Variants in ATP8A2 observed in about 807,000 individuals in gnomAD.
ATP8A2 encodes ATPase phospholipid transporting 8A2, also known as phospholipid-transporting ATPase IB.
ATP8A2 carries 100 observed loss-of-function variants against 165.6 expected under a neutral mutation model. The observed-to-expected ratio is 0.60, with a 90% CI of 0.51 to 0.71. ATP8A2 has a LOEUF of 0.71. ATP8A2 is among the 30% of genes least tolerant of loss of function. ATP8A2 has a pLI of 0.00. For missense variants in ATP8A2, 1,227 were observed against 1,479.5 expected (o/e 0.83, Z 2.80); for synonymous variants, 543 against 548.8 (o/e 0.99, Z 0.15).
intron 35 of ATP8A2, among the ~76,000 whole-genome samples, chr13:26,006,452 C>G (rs1956739817): frequency 6.6e-6 from 1 of 151,966 alleles, no homozygotes; most frequent in Non-Finnish European, 1.5e-5. Flanking sequence ...ATGTCATGTA[C>G]AAATAGAGAT....
chr13:25,512,435 C>T (rs2037262653), intron 2 of ATP8A2, among the ~76,000 whole-genome samples: 1 of 152,034 alleles, frequency 6.6e-6, no homozygotes, highest in South Asian at 2.1e-4. Flanking sequence ...CAGAGGGGCT[C>T]CTCACTTCCC....
At chr13:25,480,848 C>T (rs9507525) in intron 2 of ATP8A2, among the ~76,000 whole-genome samples, 45,972 of 150,372 alleles carry the variant, frequency 0.31, 8,616 homozygotes, top group East Asian at 0.88. Context: ...CACGCCACTG[C>T]ACTCCAGCCT....
At chr13:25,425,864 C>T (rs1419985668) in intron 1 of ATP8A2, among the ~76,000 whole-genome samples, 2 of 152,208 alleles carry the variant, frequency 1.3e-5, no homozygotes, top group Non-Finnish European at 2.9e-5. Context: ...GCGTGAGCCA[C>T]TGCGCCCGGC....
intron 1 of ATP8A2, among the ~76,000 whole-genome samples, chr13:25,440,975 A>G (rs1320585905): frequency 2.6e-5 from 4 of 152,206 alleles, no homozygotes; most frequent in Non-Finnish European, 5.9e-5. Context: ...AAATCCAGCA[A>G]TTGTATGTGA....
intron 25 of ATP8A2, among the ~76,000 whole-genome samples, chr13:25,709,557 TA>T (rs1359730949): frequency 1.3e-5 from 2 of 152,230 alleles, no homozygotes; most frequent in Non-Finnish European, 2.9e-5. Context: ...TAGTAGGGAA[TA>T]TATGTTTCTA....
intron 1 of ATP8A2, among the ~76,000 whole-genome samples, chr13:25,386,197 T>TGA (rs910326474): frequency 4.0e-5 from 6 of 151,744 alleles, no homozygotes; most frequent in African/African-American, 1.5e-4. Flanking sequence ...ATTACAGGTG[T>TGA]GAGCCACCTC....
chr13:25,894,021 G>A (rs1364676775), intron 33 of ATP8A2, among the ~76,000 whole-genome samples: 2 of 152,198 alleles, frequency 1.3e-5, no homozygotes, highest in Admixed American at 1.3e-4. Context: ...TTGCTGTGCA[G>A]AAGCTCTTTA....
chr13:25,688,889 C>CAA (rs879628588), intron 24 of ATP8A2, among the ~76,000 whole-genome samples: 19,109 of 152,230 alleles, frequency 0.13, 1,337 homozygotes, highest in Admixed American at 0.2. Flanking sequence ...CTATGATCTT[C>CAA]ACTGCCAGTT....
chr13:25,597,631 G>A (rs1039843948), intron 24 of ATP8A2, among the ~76,000 whole-genome samples: 1 of 152,110 alleles, frequency 6.6e-6, no homozygotes, highest in Non-Finnish European at 1.5e-5. Flanking sequence ...CTGGAAACAG[G>A]TACTTCTCCA....
intron 33 of ATP8A2, among the ~76,000 whole-genome samples, chr13:25,876,013 G>A (rs532192523): frequency 2.2e-4 from 33 of 152,224 alleles, no homozygotes; most frequent in Non-Finnish European, 4.1e-4. Context: ...TCATTATGAT[G>A]TTCAAGGGAC....
chr13:25,790,216 T>C (rs1235601626), intron 27 of ATP8A2, among the ~76,000 whole-genome samples: 1 of 151,984 alleles, frequency 6.6e-6, no homozygotes, highest in East Asian at 1.9e-4. Flanking sequence ...AAAGCAAAAA[T>C]TGACAAATGG....
intron 25 of ATP8A2, chr13:25,705,281 T>C (rs2043033600): frequency 3.3e-6 from 1 of 305,334 alleles, no homozygotes; most frequent in Non-Finnish European, 6.4e-6. Context: ...AGGAAAAGAG[T>C]CATGAAAGAA....
At chr13:25,948,232 C>T (rs1955262737) in intron 33 of ATP8A2, among the ~76,000 whole-genome samples, 1 of 151,954 alleles carries the variant, frequency 6.6e-6, no homozygotes, top group African/African-American at 2.4e-5. Context: ...CCCTGGGACC[C>T]AGTTCCCCCT....
chr13:25,584,980 T>C (rs2039880834), intron 23 of ATP8A2, among the ~76,000 whole-genome samples: 1 of 152,198 alleles, frequency 6.6e-6, no homozygotes, highest in Admixed American at 6.5e-5. Flanking sequence ...AGTTTGGTTT[T>C]TTAAAATATA....
At chr13:25,997,313 A>G (rs1956532148) in intron 35 of ATP8A2, among the ~76,000 whole-genome samples, 1 of 152,210 alleles carries the variant, frequency 6.6e-6, no homozygotes, top group Non-Finnish European at 1.5e-5. Flanking sequence ...TGAGAAATCC[A>G]CTGTCAACCT....
intron 25 of ATP8A2, among the ~76,000 whole-genome samples, chr13:25,704,706 A>T (rs767744837): frequency 4.6e-5 from 7 of 152,194 alleles, no homozygotes; most frequent in South Asian, 2.1e-4. Flanking sequence ...ATATAAGCAC[A>T]TTATTAAATT....
chr13:25,673,468 C>T (rs1424926601), intron 24 of ATP8A2, among the ~76,000 whole-genome samples: 1 of 152,142 alleles, frequency 6.6e-6, no homozygotes, highest in Admixed American at 6.5e-5. Flanking sequence ...TGTATGATAC[C>T]AATGTAATTA....
At chr13:25,476,450 A>G (rs1272526608) in intron 2 of ATP8A2, among the ~76,000 whole-genome samples, 6 of 152,058 alleles carry the variant, frequency 3.9e-5, no homozygotes, top group Non-Finnish European at 8.8e-5. Flanking sequence ...CACCACGGCC[A>G]GCTAATTTTT....
intron 2 of ATP8A2, among the ~76,000 whole-genome samples, chr13:25,510,113 C>G (rs182286756): frequency 2.6e-5 from 4 of 151,194 alleles, no homozygotes; most frequent in African/African-American, 9.7e-5. Context: ...GCTCACAGTA[C>G]AAGACAAGAA....
Sources: allele counts gnomAD v4.1 joint callset (sites outside exome capture counted in the v4.1 genomes callset), GRCh38; gene constraint gnomAD v4.1.1; transcripts MANE v1.5; gene names NCBI Gene and HGNC (gene_info 2026-07-23, HGNC 2026-07-21).